Variants in NPAS3 observed in about 807,000 individuals in gnomAD.
NPAS3 encodes neuronal PAS domain-containing protein 3.
NPAS3 carries 14 observed loss-of-function variants against 73.1 expected under a neutral mutation model. The observed-to-expected ratio is 0.19, with a 90% CI of 0.13 to 0.30. The LOEUF is 0.30. Among genes scored for constraint, NPAS3 ranks in the 10% least tolerant of loss-of-function variants. The pLI, the probability that NPAS3 is intolerant of heterozygous loss-of-function variation, is 1.00. For synonymous variants in NPAS3, 620 were observed against 541.5 expected (o/e 1.14, Z -2.01); for missense variants, 1,096 against 1,250.0 (o/e 0.88, Z 1.86).
At chr14:33,338,096 C>T (rs972216820) in intron 3 of NPAS3, among the ~76,000 whole-genome samples, 5 of 151,834 alleles carry the variant, frequency 3.3e-5, no homozygotes, top group Admixed American at 3.3e-4. Flanking sequence ...TTGGTTAGAA[C>T]CTCTAGTACA....
chr14:33,010,776 A>C (rs2039160509), intron 1 of NPAS3, among the ~76,000 whole-genome samples: 1 of 151,892 alleles, frequency 6.6e-6, no homozygotes, highest in Non-Finnish European at 1.5e-5. Flanking sequence ...AAAAATAAAT[A>C]AATAAATAAA....
intron 1 of NPAS3, among the ~76,000 whole-genome samples, chr14:33,009,948 T>C (rs866839771): frequency 7.9e-5 from 12 of 152,192 alleles, no homozygotes; most frequent in African/African-American, 1.9e-4. Flanking sequence ...CTGGACAGTG[T>C]AATCTTCAAG....
intron 3 of NPAS3, 92 bp from the exon 4 acceptor site, chr14:33,367,094 T>A: frequency 1.6e-6 from 1 of 628,212 alleles, no homozygotes; most frequent in Non-Finnish European, 2.8e-6. Context: ...TACTAAATAG[T>A]CAATGATGCC....
At chr14:33,299,720 GA>G (rs548801350) in intron 3 of NPAS3, among the ~76,000 whole-genome samples, 3 of 151,812 alleles carry the variant, frequency 2.0e-5, no homozygotes, top group Admixed American at 6.5e-5. Context: ...AGGAAAGGGG[GA>G]AAAAAAGCAA....
chr14:32,966,055 A>C (rs2037142215), intron 1 of NPAS3, among the ~76,000 whole-genome samples: 1 of 152,186 alleles, frequency 6.6e-6, no homozygotes, highest in Non-Finnish European at 1.5e-5. Flanking sequence ...TGAAGAGGAC[A>C]CTAACAAATG....
At chr14:33,590,607 T>C (rs1328788609) in intron 5 of NPAS3, among the ~76,000 whole-genome samples, 1 of 152,178 alleles carries the variant, frequency 6.6e-6, no homozygotes, top group Non-Finnish European at 1.5e-5. Context: ...TTTGCAGCAA[T>C]AATGAGCTTA....
At chr14:33,221,252 G>C (rs954967466) in intron 3 of NPAS3, among the ~76,000 whole-genome samples, 5 of 152,274 alleles carry the variant, frequency 3.3e-5, no homozygotes, top group African/African-American at 1.2e-4. Flanking sequence ...AACTGTCATG[G>C]TGTCATTTCT....
At chr14:33,189,894 A>G (rs1361103181) in intron 2 of NPAS3, among the ~76,000 whole-genome samples, 1 of 152,200 alleles carries the variant, frequency 6.6e-6, no homozygotes, top group Non-Finnish European at 1.5e-5. Context: ...AAGTGTGTTC[A>G]TGAGTCTATA....
chr14:33,155,398 T>G (rs1024974562), intron 2 of NPAS3, among the ~76,000 whole-genome samples: 2 of 152,214 alleles, frequency 1.3e-5, no homozygotes, highest in Non-Finnish European at 2.9e-5. Context: ...TGAGGATTTT[T>G]GGGGGTGAGG....
chr14:33,100,283 A>G (rs1401808853), intron 2 of NPAS3, among the ~76,000 whole-genome samples: 2 of 152,162 alleles, frequency 1.3e-5, no homozygotes, highest in Non-Finnish European at 2.9e-5. Flanking sequence ...CAAAGTTGGG[A>G]TAGAAAGAGT....
chr14:33,068,918 T>C (rs1009880462), intron 2 of NPAS3, among the ~76,000 whole-genome samples: 24 of 152,020 alleles, frequency 1.6e-4, no homozygotes, highest in African/African-American at 4.8e-4. Flanking sequence ...AGGAGACAGG[T>C]CAGGGAGGCA....
At chr14:33,318,557 C>CA (rs1481458612) in intron 3 of NPAS3, among the ~76,000 whole-genome samples, 1 of 151,842 alleles carries the variant, frequency 6.6e-6, no homozygotes, top group Admixed American at 6.6e-5. Flanking sequence ...CATTATTATC[C>CA]AAAAATGTGT....
At chr14:33,093,171 C>A (rs547889047) in intron 2 of NPAS3, among the ~76,000 whole-genome samples, 4 of 152,232 alleles carry the variant, frequency 2.6e-5, no homozygotes, top group Non-Finnish European at 5.9e-5. Context: ...CTATCATTAG[C>A]GTGAACAGGC....
intron 2 of NPAS3, among the ~76,000 whole-genome samples, chr14:33,113,713 G>T: frequency 6.6e-6 from 1 of 152,128 alleles, no homozygotes; most frequent in East Asian, 1.9e-4. Context: ...TATTGAATAG[G>T]AGTGGTGAGA....
At chr14:33,422,708 T>G (rs1420764053) in intron 4 of NPAS3, among the ~76,000 whole-genome samples, 2 of 151,938 alleles carry the variant, frequency 1.3e-5, no homozygotes, top group Non-Finnish European at 2.9e-5. Context: ...TGAATTAACT[T>G]CTTAAGAACA....
intron 4 of NPAS3, among the ~76,000 whole-genome samples, chr14:33,436,212 C>T (rs528321517): frequency 9.3e-4 from 142 of 152,190 alleles, no homozygotes; most frequent in South Asian, 1.9e-3. Context: ...GTAAGTTTAC[C>T]GTCATGCCAG....
intron 9 of NPAS3, among the ~76,000 whole-genome samples, chr14:33,784,191 C>T (rs144469512): frequency 1.3e-5 from 2 of 152,306 alleles, no homozygotes; most frequent in East Asian, 1.9e-4. Context: ...TTCCTGTGTA[C>T]TTGACTGTAT....
At chr14:33,252,091 G>GTGTGTT (rs1491360525) in intron 3 of NPAS3, among the ~76,000 whole-genome samples, 1 of 134,120 alleles carries the variant, frequency 7.5e-6, no homozygotes, top group African/African-American at 2.7e-5. Context: ...GTGTGTGTGT[G>GTGTGTT]TAATAAACCC....
intron 5 of NPAS3, among the ~76,000 whole-genome samples, chr14:33,563,352 C>A (rs1323158002): frequency 7.3e-6 from 1 of 136,582 alleles, no homozygotes; most frequent in Admixed American, 7.2e-5. Flanking sequence ...CGGATTTTCT[C>A]TTTGACTCTC....
Sources: gnomAD v4.1 joint callset for allele counts (sites outside exome capture counted in the v4.1 genomes callset) on GRCh38, gnomAD v4.1.1 for gene constraint, MANE v1.5 for transcripts, NCBI Gene and HGNC (gene_info 2026-07-23, HGNC 2026-07-21) for gene names.